The following PIR variants were observed in gnomAD, a reference collection of about 807,000 sequenced individuals.
PIR encodes pirin.
In PIR, 22 loss-of-function variants were observed where a neutral mutation model predicts 24.2. That is an observed-to-expected ratio of 0.91 (90% CI 0.65 to 1.30). PIR has a LOEUF of 1.30. Ranked by LOEUF, PIR falls within the 50% of genes most tolerant of loss-of-function variation. PIR has a pLI of 0.00. For synonymous variants in PIR, 80 were observed against 79.6 expected (o/e 1.00, Z -0.03); for missense variants, 220 against 220.3 (o/e 1.00, Z 0.01).
chrX:15,419,970 G>A (rs1342490578), intron 6 of PIR, among the ~76,000 whole-genome samples: 1 of 107,869 alleles, frequency 9.3e-6, no homozygotes, highest in Admixed American at 9.9e-5. Context: ...GCCGAGGTGG[G>A]CGGATCACCT....
At chrX:15,407,636 A>C (rs1924591033) in intron 6 of PIR, 86 bp from the exon 7 acceptor site, 1 of 696,570 alleles carries the variant, frequency 1.4e-6, no homozygotes, top group African/African-American at 2.1e-5. Context: ...CACAAAGATA[A>C]ATTTGGAGAC....
intron 6 of PIR, among the ~76,000 whole-genome samples, chrX:15,423,058 A>G (rs1040359568): frequency 6.2e-5 from 7 of 112,068 alleles, no homozygotes; most frequent in Admixed American, 9.5e-5. Context: ...TGGTGCTGGG[A>G]AAACTGGATA....
intron 3 of PIR, among the ~76,000 whole-genome samples, chrX:15,476,937 T>C (rs1482211741): frequency 8.9e-6 from 1 of 111,871 alleles, no homozygotes; most frequent in East Asian, 2.8e-4. Flanking sequence ...AAAATTAGTT[T>C]TTTAAATAAT....
chrX:15,452,213 C>A (rs1177408441), intron 5 of PIR, among the ~76,000 whole-genome samples: 1 of 111,919 alleles, frequency 8.9e-6, no homozygotes, highest in Non-Finnish European at 1.9e-5. Context: ...CCAAAGAGAG[C>A]TGGCAATAAT....
In PIR at chrX:15,384,900, G is replaced by A. The variant is rs1923684543; in HGVS notation, c.*104C>T. Reference sequence around the variant, plus strand: ...TATCACGTTAGTGTGGAATTCTTTAGAAGCACCGGCTAAATAAGCTTTAGA... The same window carrying A: ...TATCACGTTAGTGTGGAATTCTTTAAAAGCACCGGCTAAATAAGCTTTAGA... On this transcript the variant is annotated 3_prime_UTR_variant, in exon 10 of 10. Coordinates refer to ENST00000380420, the MANE Select transcript of PIR (RefSeq NM_001018109.3). The A allele has an allele frequency of 2.3e-6, 1 of 439,876 alleles. No individual in the cohort carries two copies. The highest frequency in any genetic ancestry group is 4.0e-6 in the Non-Finnish European group (1 of 248,877). 36.3% of individuals were successfully genotyped at this position (439,876 alleles called of 1,213,427 possible).
At chrX:15,434,905 T>C (rs1925700338) in intron 5 of PIR, among the ~76,000 whole-genome samples, 1 of 111,747 alleles carries the variant, frequency 8.9e-6, no homozygotes, top group Non-Finnish European at 1.9e-5. Flanking sequence ...TTCAAAATGT[T>C]TAACATTAAA....
chrX:15,386,896 T>C (rs1266912418), intron 9 of PIR, among the ~76,000 whole-genome samples: 1 of 109,505 alleles, frequency 9.1e-6, no homozygotes, highest in Admixed American at 9.8e-5. Context: ...TAATATAATA[T>C]GATTTATAAT....
intron 3 of PIR, among the ~76,000 whole-genome samples, chrX:15,463,414 T>A (rs1452712216): frequency 8.9e-6 from 1 of 112,146 alleles, no homozygotes; most frequent in Non-Finnish European, 1.9e-5. Context: ...ATATTGCAGA[T>A]TTATAATAAA....
chrX:15,454,508 C>T lies in PIR; in HGVS notation c.480+1340G>A, dbSNP rs1288300932. On this transcript the variant is annotated intron_variant, in intron 5 of 9. Coordinates refer to ENST00000380420, the MANE Select transcript of PIR (RefSeq NM_001018109.3). Reference sequence around the variant, plus strand: ...AAAAACAAAAAAACAAAAATAAAAACGGTAAAACTTTGGTTATAGTTCAGG... The same window carrying T: ...AAAAACAAAAAAACAAAAATAAAAATGGTAAAACTTTGGTTATAGTTCAGG... Among the ~76,000 whole-genome samples, 5 of 107,941 alleles carry T rather than the reference C, an allele frequency of 4.6e-5. No homozygotes were observed. The East Asian group carries it at 8.7e-4, about 19-fold the overall frequency. The allele number at this position is 107,941 out of a possible 115,157, so 93.7% of individuals were successfully genotyped here. A position where few individuals can be genotyped will look rare whatever the true frequency, so the allele number is the denominator to read the frequency against.
intron 8 of PIR, among the ~76,000 whole-genome samples, chrX:15,393,915 G>T (rs931020911): frequency 9.2e-6 from 1 of 108,251 alleles, no homozygotes; most frequent in Non-Finnish European, 1.9e-5. Context: ...GTGAGTTATA[G>T]AATTATTTCA....
chrX:15,429,090 T>C (rs949042567), intron 5 of PIR, among the ~76,000 whole-genome samples: 3 of 111,579 alleles, frequency 2.7e-5, no homozygotes, highest in Non-Finnish European at 5.6e-5. Context: ...CTCGCTGTAT[T>C]CTTGCCCTCA....
intron 3 of PIR, among the ~76,000 whole-genome samples, chrX:15,466,004 C>CT (rs1281489150): frequency 7.3e-4 from 41 of 56,300 alleles, no homozygotes; most frequent in African/African-American, 3.2e-3. Flanking sequence ...AAAATGGTGG[C>CT]TGTTTTTTTT....
At chrX:15,487,382 A>T (rs763020814) in intron 2 of PIR, among the ~76,000 whole-genome samples, 7 of 111,468 alleles carry the variant, frequency 6.3e-5, no homozygotes, top group Non-Finnish European at 1.3e-4. Context: ...TGAAATATTT[A>T]TAAGTGAAAT....
chrX:15,486,298 C>CAA (rs59774013), intron 2 of PIR, among the ~76,000 whole-genome samples: 2 of 39,703 alleles, frequency 5.0e-5, no homozygotes, highest in Non-Finnish European at 4.0e-5. Context: ...GACTCTGTCT[C>CAA]AAAAAAAAAA....
chrX:15,396,803 C>G (rs1324112857), intron 8 of PIR, among the ~76,000 whole-genome samples: 1 of 108,744 alleles, frequency 9.2e-6, no homozygotes, highest in Non-Finnish European at 1.9e-5. Flanking sequence ...TGCAGTGGCG[C>G]AATCTCGGCT....
At chrX:15,447,284 G>T (rs75364108) in intron 5 of PIR, among the ~76,000 whole-genome samples, 1 of 104,950 alleles carries the variant, frequency 9.5e-6, no homozygotes, top group Non-Finnish European at 2.0e-5. Context: ...GATACCAGTT[G>T]TTTTTTTGTT....
chrX:15,445,357 G>A (rs1403057861), intron 5 of PIR, among the ~76,000 whole-genome samples: 5 of 110,935 alleles, frequency 4.5e-5, no homozygotes, highest in African/African-American at 1.3e-4. Context: ...GACACAGGGC[G>A]GTGAACATCA....
chrX:15,440,630 C>T (rs1268465631), intron 5 of PIR, among the ~76,000 whole-genome samples: 1 of 111,738 alleles, frequency 8.9e-6, no homozygotes, highest in African/African-American at 3.3e-5. Flanking sequence ...CAGCACTTCA[C>T]AGTACCCAAC....
chrX:15,468,942 A>G (rs766587523), intron 3 of PIR, among the ~76,000 whole-genome samples: 3 of 112,406 alleles, frequency 2.7e-5, no homozygotes, highest in South Asian at 7.4e-4. Context: ...GCCATTAACT[A>G]AAGTATATCA....
Sources: gnomAD v4.1 joint callset for allele counts (sites outside exome capture counted in the v4.1 genomes callset) on GRCh38, gnomAD v4.1.1 for gene constraint, MANE v1.5 for transcripts, NCBI Gene and HGNC (gene_info 2026-07-23, HGNC 2026-07-21) for gene names.